Variants in TP63 observed in about 807,000 individuals in gnomAD.
The protein encoded by TP63 is tumor protein 63.
A neutral mutation model predicts 82.8 loss-of-function variants in TP63; 17 were observed. That is an observed-to-expected ratio of 0.21 (90% CI 0.14 to 0.31). The LOEUF (loss-of-function observed/expected upper bound fraction) is 0.31, where lower values mean the gene tolerates loss of function less well. TP63 is among the 10% of genes least tolerant of loss of function. The pLI, the probability that TP63 is intolerant of heterozygous loss-of-function variation, is 1.00. For synonymous variants in TP63, 330 were observed against 321.7 expected, an observed-to-expected ratio of 1.03 and a Z score of -0.28; for missense variants, 648 against 895.3, an observed-to-expected ratio of 0.72 and a Z score of 3.52.
At chr3:189,669,972 T>A (rs773118005) in intron 1 of TP63, among the ~76,000 whole-genome samples, 1 of 151,414 alleles carries the variant, frequency 6.6e-6, no homozygotes, top group Non-Finnish European at 1.5e-5. Flanking sequence ...AACAGTAGAG[T>A]TTGTCCTATT....
At chr3:189,860,013 G>A (rs369905314) in intron 4 of TP63, among the ~76,000 whole-genome samples, 1 of 152,176 alleles carries the variant, frequency 6.6e-6, no homozygotes, top group Non-Finnish European at 1.5e-5. Flanking sequence ...ATTGGAACAG[G>A]AATGGAAATA....
chr3:189,609,877 A>G, the TP63 span, among the ~76,000 whole-genome samples: 1 of 152,178 alleles, frequency 6.6e-6, no homozygotes, highest in African/African-American at 2.4e-5. Context: ...AATGATTTAT[A>G]TTCCTCTTTG....
At chr3:189,786,276 A>G (rs1328359666) in intron 3 of TP63, among the ~76,000 whole-genome samples, 2 of 152,040 alleles carry the variant, frequency 1.3e-5, no homozygotes, top group South Asian at 2.1e-4. Context: ...ATATTGTAAT[A>G]TGGTTGCAAA....
the TP63 span, among the ~76,000 whole-genome samples, chr3:189,619,554 C>T: frequency 6.6e-6 from 1 of 152,090 alleles, no homozygotes; most frequent in Non-Finnish European, 1.5e-5. Context: ...TTGTAAGACA[C>T]CAAAGATGTC....
chr3:189,804,059 C>T (rs891943869), intron 3 of TP63, among the ~76,000 whole-genome samples: 3 of 152,046 alleles, frequency 2.0e-5, no homozygotes, highest in Non-Finnish European at 4.4e-5. Context: ...CTTTTGTTAC[C>T]TAAGAAATAC....
intron 3 of TP63, among the ~76,000 whole-genome samples, chr3:189,748,738 C>T (rs1721574145): frequency 6.6e-6 from 1 of 151,364 alleles, no homozygotes; most frequent in South Asian, 2.1e-4. Flanking sequence ...CATTCTAGAG[C>T]AAAAAGAGCA....
At chr3:189,640,013 A>T (rs949494915) in intron 1 of TP63, among the ~76,000 whole-genome samples, 10 of 152,108 alleles carry the variant, frequency 6.6e-5, no homozygotes, top group Non-Finnish European at 1.2e-4. Flanking sequence ...TTTGAAATTC[A>T]TCATTAGCTT....
At chr3:189,879,278 C>T (rs1719639599) in intron 10 of TP63, among the ~76,000 whole-genome samples, 1 of 152,198 alleles carries the variant, frequency 6.6e-6, no homozygotes, top group Non-Finnish European at 1.5e-5. Context: ...ATCTGGGAAA[C>T]AATTTCCAAA....
rs28652796 is a variant in TP63, at chr3:189,771,494, A to G, written c.324+32720A>G. ...TTAATATATAATTAATTTATATAAT[A>G]TATAAATATATTAAATATATAATAT... On this transcript the variant is annotated intron_variant, in intron 3 of 13. Transcript: ENST00000264731. Among the ~76,000 whole-genome samples the G allele has an allele frequency of 7.6e-3, 1,062 of 140,550 alleles. 8 individuals carry two copies. Among genetic ancestry groups the G allele is most frequent in the Non-Finnish European group, 0.011 (723 of 65,466 alleles). 92.2% of individuals were successfully genotyped at this position (140,550 alleles called of 152,430 possible).
At chr3:189,803,813 A>G (rs1408932762) in intron 3 of TP63, among the ~76,000 whole-genome samples, 1 of 152,200 alleles carries the variant, frequency 6.6e-6, no homozygotes, top group Non-Finnish European at 1.5e-5. Flanking sequence ...ACAGGAAATT[A>G]TTTTACTTTA....
At chr3:189,864,194 C>G in intron 4 of TP63, 38 bp from the exon 5 acceptor site, 675 of 1,552,336 alleles carry the variant, frequency 4.3e-4, no homozygotes, top group Non-Finnish European at 5.3e-4. Flanking sequence ...CCTGTTGGTT[C>G]TCTCCTTCCT....
intron 3 of TP63, among the ~76,000 whole-genome samples, chr3:189,778,767 T>C (rs1416322529): frequency 2.0e-5 from 3 of 152,208 alleles, no homozygotes; most frequent in Admixed American, 2.0e-4. Flanking sequence ...CCACTTACGT[T>C]GTTATCAACT....
the TP63 span, among the ~76,000 whole-genome samples, chr3:189,622,742 A>C: frequency 6.6e-6 from 1 of 152,176 alleles, no homozygotes; most frequent in African/African-American, 2.4e-5. Flanking sequence ...ACAGCGGCTG[A>C]TGGTTATTTC....
intron 1 of TP63, among the ~76,000 whole-genome samples, chr3:189,725,859 A>G (rs931056769): frequency 1.3e-5 from 2 of 152,134 alleles, no homozygotes; most frequent in African/African-American, 4.8e-5. Flanking sequence ...CTGGAGATCA[A>G]CCTGACCAAC....
intron 3 of TP63, among the ~76,000 whole-genome samples, chr3:189,799,905 C>T (rs1481290417): frequency 6.6e-6 from 1 of 152,134 alleles, no homozygotes; most frequent in African/African-American, 2.4e-5. Context: ...TAAGAACTGT[C>T]TCCTGAGCAT....
intron 3 of TP63, among the ~76,000 whole-genome samples, chr3:189,801,947 A>G (rs1225850733): frequency 1.3e-5 from 2 of 152,266 alleles, no homozygotes; most frequent in Non-Finnish European, 2.9e-5. Context: ...GTTTTGAGAA[A>G]AATGTGATGC....
chr3:189,693,181 G>A (rs969820285), intron 1 of TP63, among the ~76,000 whole-genome samples: 5 of 152,040 alleles, frequency 3.3e-5, no homozygotes, highest in Non-Finnish European at 7.4e-5. Flanking sequence ...TTTGACTCCA[G>A]AATTTCATAT....
chr3:189,652,602 A>C (rs1356467547), intron 1 of TP63, among the ~76,000 whole-genome samples: 1 of 146,546 alleles, frequency 6.8e-6, no homozygotes, highest in African/African-American at 2.6e-5. Flanking sequence ...AAAAGTCATG[A>C]TTGTGTTTTG....
chr3:189,626,725 T>C (rs1323237020), upstream of TP63, among the ~76,000 whole-genome samples: 1 of 152,186 alleles, frequency 6.6e-6, no homozygotes, highest in Non-Finnish European at 1.5e-5. Flanking sequence ...TTAAGCTGAA[T>C]AGCTGAAGTT....
Sources: allele counts gnomAD v4.1 joint callset (sites outside exome capture counted in the v4.1 genomes callset), GRCh38; gene constraint gnomAD v4.1.1; transcripts MANE v1.5; gene names NCBI Gene and HGNC (gene_info 2026-07-23, HGNC 2026-07-21).